Variants in GGA1 observed in about 807,000 individuals in gnomAD.
GGA1 encodes the protein ADP-ribosylation factor-binding protein GGA1.
GGA1 carries 18 observed loss-of-function variants against 76.9 expected under a neutral mutation model. The observed-to-expected ratio is 0.23, with a 90% CI of 0.16 to 0.35. The LOEUF is 0.35. Ranked by LOEUF, GGA1 falls within the 10% of genes least tolerant of loss-of-function variation. The pLI, the probability that GGA1 is intolerant of heterozygous loss-of-function variation, is 1.00. For synonymous variants in GGA1, 342 were observed against 354.7 expected (o/e 0.96, Z 0.40); for missense variants, 755 against 859.0 (o/e 0.88, Z 1.51).
At chr22:37,620,141 G>A (rs935478203) in intron 4 of GGA1, 97 bp from the exon 5 acceptor site, 11 of 1,401,254 alleles carry the variant, frequency 7.9e-6, no homozygotes, top group Admixed American at 5.2e-5. Flanking sequence ...AGGGCTTCCC[G>A]GGGAGTCCTG....
chr22:37,623,310 G>C lies in GGA1; in HGVS notation c.610-17G>C, dbSNP rs375723220. 4.3e-6 allele frequency: 7 copies of C among 1,613,328 alleles called. No individual in the cohort carries two copies. Among genetic ancestry groups the C allele is most frequent in the Non-Finnish European group, 2.5e-6 (3 of 1,179,460 alleles). On this transcript the variant is annotated splice_polypyrimidine_tract_variant and intron_variant, in intron 7 of 16. Transcript: ENST00000343632. This position sits in a 1 kb window ranked among gnomAD's most constrained non-coding sequence, Gnocchi z 4.6. ...AGGCCAAAGGTTCTCAGGGGCCCTT[G>C]GCCAATGTGTCCCCAGGACCAGAAG... is the stretch of plus-strand genomic sequence containing the variant.
rs1321877692 is a variant in GGA1, at chr22:37,623,813, TG to T, written c.832+181del. ...GGACACAGAGCAGGGGCCGCCCCCC[TG>T]TTGAGAGGCCCTGTGGGCCAGCCCC... On this transcript the variant is annotated intron_variant, in intron 9 of 16. Transcript: ENST00000343632. The surrounding 1 kb of genome is among the most constrained non-coding windows in gnomAD (Gnocchi z 4.6). The T allele has an allele frequency of 3.4e-6, 2 of 585,140 alleles. No homozygotes were observed. The highest frequency in any genetic ancestry group is 6.2e-6 in the Non-Finnish European group (2 of 324,148). The allele number at this position is 585,140 out of a possible 1,614,324, so 36.2% of individuals were successfully genotyped here.
Position 37,632,757 on chromosome 22 carries a change from T to A in GGA1, c.*46T>A. ...GAAGGGGCAGAGGGACCGGTCACTG[T>A]CCAGCCTGGAGGGAGGCATTGGTGG... On this transcript the variant is annotated 3_prime_UTR_variant, in exon 17 of 17. Coordinates refer to ENST00000343632, the MANE Select transcript of GGA1 (RefSeq NM_013365.5). The surrounding 1 kb of genome is among the most constrained non-coding windows in gnomAD (Gnocchi z 5.1). 8.5e-7 allele frequency: 1 copy of A among 1,173,562 alleles called. No homozygotes were observed. Among genetic ancestry groups the A allele is most frequent in the Non-Finnish European group, 1.3e-6 (1 of 799,622 alleles). The allele number at this position is 1,173,562 out of a possible 1,614,324, so 72.7% of individuals were successfully genotyped here. A position where few individuals can be genotyped will look rare whatever the true frequency, so the allele number is the denominator to read the frequency against.
intron 13 of GGA1, 87 bp from the exon 14 acceptor site, chr22:37,630,816 C>T (rs1006350084): frequency 1.4e-5 from 13 of 919,764 alleles, no homozygotes; most frequent in Non-Finnish European, 2.2e-5. Flanking sequence ...GATCTGCCCG[C>T]CTCAGCCTCC....
rs564593055 is a variant in GGA1 at position 37,623,977 on chromosome 22, G to A, written c.832+344G>A. 1.3e-4 allele frequency: 35 copies of A among 267,298 alleles called. No homozygotes were observed. The highest frequency in any genetic ancestry group is 9.4e-4 in the Admixed American group (19 of 20,262). The allele number at this position is 267,298 out of a possible 1,614,324, so 16.6% of individuals were successfully genotyped here. A position where few individuals can be genotyped will look rare whatever the true frequency, so the allele number is the denominator to read the frequency against. ...GTGGCAGAGCCAGGGGAGACGGAGG[G>A]CCATCTGCCCCCAGACCTTCCTCCC... On this transcript the variant is annotated intron_variant, in intron 9 of 16. Transcript: ENST00000343632. The surrounding 1 kb of genome is among the most constrained non-coding windows in gnomAD (Gnocchi z 4.6).
chr22:37,629,415 TGC>T (rs778396690), intron 11 of GGA1, 45 bp from the exon 12 acceptor site: 1 of 1,392,388 alleles, frequency 7.2e-7, no homozygotes, highest in East Asian at 2.5e-5. Context: ...CTCTGGCCTC[TGC>T]AGGGTCAGCC....
chr22:37,625,190 G>A lies in GGA1; in HGVS notation c.940+114G>A, dbSNP rs990462959. ...TGGAATGACTGCCAGGGTGACCCTGGCCCCTTAAGATGGGGAAGGCCCCAG... is the reference window on the plus strand; with the variant it reads ...TGGAATGACTGCCAGGGTGACCCTGACCCCTTAAGATGGGGAAGGCCCCAG... On this transcript the variant is annotated intron_variant, in intron 10 of 16. Coordinates refer to ENST00000343632, the MANE Select transcript of GGA1 (RefSeq NM_013365.5). The surrounding 1 kb of genome is among the most constrained non-coding windows in gnomAD (Gnocchi z 4.1). 5 of 968,686 alleles carry A rather than the reference G, an allele frequency of 5.2e-6. No individual in the cohort carries two copies. The highest frequency in any genetic ancestry group is 6.6e-4 in the Middle Eastern group (2 of 3,034). The allele number at this position is 968,686 out of a possible 1,614,324, so 60.0% of individuals were successfully genotyped here.
intron 3 of GGA1, chr22:37,617,825 T>TA: frequency 3.2e-6 from 3 of 940,378 alleles, no homozygotes; most frequent in Non-Finnish European, 3.8e-6. Context: ...AAGGTTTTTT[T>TA]AAAAAAGGAA....
In GGA1 at chr22:37,630,670, G is replaced by A. The variant is rs918213919; in HGVS notation, c.1332-233G>A. Reference sequence around the variant, plus strand: ...CAACCTCCATCTCCCAAACTCAAGCGATTCTCCTACGTCAGGCTCCTGAGT... The same window carrying A: ...CAACCTCCATCTCCCAAACTCAAGCAATTCTCCTACGTCAGGCTCCTGAGT... On this transcript the variant is annotated intron_variant, in intron 13 of 16. Transcript: ENST00000343632. The A allele has an allele frequency of 2.2e-5, 12 of 537,654 alleles. No individual in the cohort carries two copies. The Admixed American group carries it at 3.0e-4, about 13-fold the overall frequency. 33.3% of individuals were successfully genotyped at this position (537,654 alleles called of 1,614,324 possible). A position where few individuals can be genotyped will look rare whatever the true frequency, so the allele number is the denominator to read the frequency against.
At chr22:37,617,219 G>A (rs1928978685) in intron 3 of GGA1, 4 of 1,397,752 alleles carry the variant, frequency 2.9e-6, no homozygotes, top group Non-Finnish European at 3.7e-6. Context: ...CTGAGGGAAG[G>A]CCCTCTAGGG....
In GGA1 at chr22:37,625,665, T is replaced by C; in HGVS notation, c.941-132T>C. On this transcript the variant is annotated intron_variant, in intron 10 of 16. Transcript: ENST00000343632. The surrounding 1 kb of genome is among the most constrained non-coding windows in gnomAD (Gnocchi z 4.1). ...AGCAGTTTCCAGGCAGGGGCTGGTGTGGCCAAGGAAGGGGAGGCAGGAGAC... is the reference window on the plus strand; with the variant it reads ...AGCAGTTTCCAGGCAGGGGCTGGTGCGGCCAAGGAAGGGGAGGCAGGAGAC... The C allele has an allele frequency of 1.7e-6, 1 of 587,704 alleles. No homozygotes were observed. Among genetic ancestry groups the C allele is most frequent in the East Asian group, 3.0e-5 (1 of 33,744 alleles). The allele number at this position is 587,704 out of a possible 1,614,324, so 36.4% of individuals were successfully genotyped here. A position where few individuals can be genotyped will look rare whatever the true frequency, so the allele number is the denominator to read the frequency against.
At chr22:37,617,483 C>G (rs1929030646) in intron 3 of GGA1, 6 of 994,530 alleles carry the variant, frequency 6.0e-6, no homozygotes, top group Non-Finnish European at 7.2e-6. Context: ...ACATACCAAC[C>G]CACCATGGAG....
intron 11 of GGA1, among the ~76,000 whole-genome samples, chr22:37,629,069 T>C (rs908810206): frequency 6.6e-6 from 1 of 152,130 alleles, no homozygotes; most frequent in Non-Finnish European, 1.5e-5. Context: ...GTCCCTCGAG[T>C]GGGCCAGTGG....
chr22:37,623,093 G>A lies in GGA1; in HGVS notation c.610-234G>A, dbSNP rs940212833. ...AAACCCAGGTTCCTGGGCCATCTCT[G>A]AAGATCCTGATGAGCTTGTGCAGAG... On this transcript the variant is annotated intron_variant, in intron 7 of 16. Transcript: ENST00000343632. The surrounding 1 kb of genome is among the most constrained non-coding windows in gnomAD (Gnocchi z 4.6). 1.1e-4 allele frequency among the ~76,000 whole-genome samples: 17 copies of A among 152,212 alleles called. No individual in the cohort carries two copies. Among genetic ancestry groups the A allele is most frequent in the African/African-American group, 4.1e-4 (17 of 41,462 alleles).
At chr22:37,619,367 C>T (rs1037823877) in intron 4 of GGA1, among the ~76,000 whole-genome samples, 1 of 150,472 alleles carries the variant, frequency 6.6e-6, no homozygotes, top group African/African-American at 2.5e-5. Flanking sequence ...GCCCGGCCTA[C>T]CTACCGTGAA....
chr22:37,617,762 T>C, intron 3 of GGA1: 1 of 913,368 alleles, frequency 1.1e-6, no homozygotes, highest in Non-Finnish European at 1.3e-6. Context: ...TAACTAGTCC[T>C]ATGATTTCAT....
In GGA1 at chr22:37,623,330, C is replaced by G; in HGVS notation, c.613C>G (p.Gln205Glu). 6.2e-7 allele frequency: 1 copy of G among 1,614,020 alleles called. No homozygotes were observed. Among genetic ancestry groups the G allele is most frequent in the Non-Finnish European group, 8.5e-7 (1 of 1,179,960 alleles). Reference protein sequence around the residue: ...KLIKEMVQEDQKRMEKISKRV... With the variant: ...KLIKEMVQEDEKRMEKISKRV... Reference sequence around the variant, plus strand: ...CCCTTGGCCAATGTGTCCCCAGGACCAGAAGCGGATGGAGAAGATCTCGAA... The same window carrying G: ...CCCTTGGCCAATGTGTCCCCAGGACGAGAAGCGGATGGAGAAGATCTCGAA... Residue 205 changes from glutamine to glutamate, a missense_variant, in exon 8 of 17, where the codon CAG becomes GAG. By Grantham distance (29) the Gln-to-Glu change is conservative. Transcript: ENST00000343632. This position sits in a 1 kb window ranked among gnomAD's most constrained non-coding sequence, Gnocchi z 4.6.
rs747098687 is a variant in GGA1, at chr22:37,620,815, A to T, written c.430A>T (p.Ile144Phe). The T allele has an allele frequency of 2.5e-6, 4 of 1,591,684 alleles. No homozygotes were observed. Among genetic ancestry groups the T allele is most frequent in the Non-Finnish European group, 3.4e-6 (4 of 1,159,684 alleles). ...TTTCTGACACTCATCTAATCCAGGG[A>T]TTGTAAAGTCCGACCCCAAGCTTCC... ...EAYQMLKKQG[I>F]VKSDPKLPDD... Residue 144 changes from isoleucine to phenylalanine, a missense_variant and splice_region_variant, in exon 6 of 17, where the codon ATT becomes TTT. Physicochemically the swap from Ile to Phe is conservative, Grantham distance 21. Coordinates refer to ENST00000343632, the MANE Select transcript of GGA1 (RefSeq NM_013365.5).
chr22:37,618,673 G>C (rs1929270769), intron 4 of GGA1, 127 bp downstream of exon 4: 1 of 625,388 alleles, frequency 1.6e-6, no homozygotes. Context: ...CCCCCCATTA[G>C]AACTCAGACC....
Sources: gnomAD v4.1 joint callset for allele counts (sites outside exome capture counted in the v4.1 genomes callset) on GRCh38, gnomAD v4.1.1 for gene constraint, Gnocchi (gnomAD v3.1) non-coding constraint, MANE v1.5 for transcripts, NCBI Gene and HGNC (gene_info 2026-07-23, HGNC 2026-07-21) for gene names.